Variants in DNASE2B observed in about 807,000 individuals in gnomAD.
The protein encoded by DNASE2B is deoxyribonuclease-2-beta.
Under a neutral mutation model 46.0 loss-of-function variants are expected in DNASE2B, and 43 were observed. The ratio of observed to expected loss-of-function variants is 0.94; its 90% CI spans 0.73 to 1.21. The LOEUF (loss-of-function observed/expected upper bound fraction) is 1.21. Ranked by LOEUF, DNASE2B falls within the 50% of genes most tolerant of loss-of-function variation. DNASE2B has a pLI of 0.00. For synonymous variants in DNASE2B, 156 were observed against 152.5 expected (o/e 1.02, Z -0.17); for missense variants, 395 against 414.4 (o/e 0.95, Z 0.41).
At position 84,400,442 on chromosome 1, in the gene DNASE2B, G is replaced by C. The variant is rs1004231686; in HGVS notation, c.126-1459G>C. 2.0e-5 allele frequency among the ~76,000 whole-genome samples: 3 copies of C among 152,286 alleles called. No individual in the cohort carries two copies. In the East Asian group the frequency reaches 5.8e-4, roughly 29 times the overall value. ...TAGGCTTCTGCTTCTGAGACTGCAT[G>C]AATATGTTCCCTAATAGTGTGGGAT... On this transcript the variant is annotated intron_variant, in intron 1 of 5. Transcript: ENST00000370665.
At chr1:84,400,375 A>C (rs1009694023) in intron 1 of DNASE2B, among the ~76,000 whole-genome samples, 1 of 152,232 alleles carries the variant, frequency 6.6e-6, no homozygotes, top group African/African-American at 2.4e-5. Flanking sequence ...TCTCAAAAAA[A>C]AACAAAAAAC....
At position 84,402,000 on chromosome 1, in the gene DNASE2B, G is replaced by C; in HGVS notation, c.225G>C (p.Lys75Asn). The C allele has an allele frequency of 6.2e-7, 1 of 1,610,194 alleles. No individual in the cohort carries two copies. Among genetic ancestry groups the C allele is most frequent in the African/African-American group, 1.3e-5 (1 of 74,876 alleles). The change falls in exon 2 of 6, where the codon AAG becomes AAC. Residue 75 changes from lysine (K) to asparagine (N), a missense_variant. Physicochemically the swap from Lys to Asn is moderately conservative, Grantham distance 94 (BLOSUM62 0). Transcript: ENST00000370665. ...YLDSTTRSWR[K>N]SEQLMNDTKS... Reference sequence around the variant, plus strand: ...ACTCTACAACTAGAAGCTGGAGGAAGAGTGAGCAACTAATGAATGACACCA... The same window carrying C: ...ACTCTACAACTAGAAGCTGGAGGAACAGTGAGCAACTAATGAATGACACCA...
At chr1:84,414,312 C>T (rs1266868161) in intron 5 of DNASE2B, among the ~76,000 whole-genome samples, 2 of 152,338 alleles carry the variant, frequency 1.3e-5, no homozygotes, top group Middle Eastern at 3.4e-3. Flanking sequence ...CAAACACCAA[C>T]ATCATCATAG....
chr1:84,409,392 C>G (rs1183132728), intron 3 of DNASE2B, among the ~76,000 whole-genome samples: 1 of 152,066 alleles, frequency 6.6e-6, no homozygotes, highest in Admixed American at 6.6e-5. Context: ...GATACGGACA[C>G]AATTTTCCAG....
In DNASE2B at chr1:84,407,514, G is replaced by A. The variant is rs187132559; in HGVS notation, c.304-923G>A. 5.9e-3 allele frequency among the ~76,000 whole-genome samples: 904 copies of A among 152,036 alleles called. 12 individuals carry two copies. Among genetic ancestry groups the A allele is most frequent in the Non-Finnish European group, 5.5e-3 (373 of 67,956 alleles). On this transcript the variant is annotated intron_variant, in intron 2 of 5. Transcript: ENST00000370665. ...TCATATAATTAAGCAACTGTGAGAGGCTTCTTCATTGAATTTGTTTTCTAA... is the reference window on the plus strand; with the variant it reads ...TCATATAATTAAGCAACTGTGAGAGACTTCTTCATTGAATTTGTTTTCTAA...
intron 3 of DNASE2B, among the ~76,000 whole-genome samples, chr1:84,408,724 C>T (rs1444010284): frequency 2.6e-5 from 4 of 151,798 alleles, no homozygotes; most frequent in African/African-American, 7.3e-5. Context: ...TTAGAAATCC[C>T]ATTTTATTTC....
chr1:84,399,648 G>A (rs1680372490), intron 1 of DNASE2B, among the ~76,000 whole-genome samples: 1 of 151,960 alleles, frequency 6.6e-6, no homozygotes, highest in African/African-American at 2.4e-5. Flanking sequence ...GCAATGAGGA[G>A]GTAGAGAGGC....
chr1:84,412,271 C>T (rs1021286086), intron 4 of DNASE2B, 78 bp from the exon 5 acceptor site: 12 of 1,253,076 alleles, frequency 9.6e-6, no homozygotes, highest in Middle Eastern at 4.1e-4. Context: ...TTTAAATCCA[C>T]AAAAAGATCT....
chr1:84,413,028 T>C (rs1199942953), intron 5 of DNASE2B, among the ~76,000 whole-genome samples: 2 of 129,088 alleles, frequency 1.5e-5, no homozygotes, highest in Non-Finnish European at 3.1e-5. Context: ...CCCAAAGAAG[T>C]GATGCACCCC....
At chr1:84,410,393 G>A (rs977315540) in intron 3 of DNASE2B, among the ~76,000 whole-genome samples, 1 of 152,148 alleles carries the variant, frequency 6.6e-6, no homozygotes, top group African/African-American at 2.4e-5. Flanking sequence ...ATTATTGTGA[G>A]TACATTTCTT....
At chr1:84,403,972 TTG>T (rs1491086521) in intron 2 of DNASE2B, among the ~76,000 whole-genome samples, 5 of 148,938 alleles carry the variant, frequency 3.4e-5, no homozygotes, top group Non-Finnish European at 3.0e-5. Flanking sequence ...TTTTTTTTTT[TTG>T]GCGGAGGGGG....
chr1:84,405,153 T>C (rs145945564), intron 2 of DNASE2B, among the ~76,000 whole-genome samples: 223 of 152,226 alleles, frequency 1.5e-3, no homozygotes, highest in African/African-American at 5.2e-3. Context: ...TCTAAAATTG[T>C]CAAACCATCC....
At position 84,408,488 on chromosome 1, in the gene DNASE2B, A is replaced by T; in HGVS notation, c.355A>T (p.Asn119Tyr). The T allele has an allele frequency of 6.2e-7, 1 of 1,611,384 alleles. No individual in the cohort carries two copies. The highest frequency in any genetic ancestry group is 8.5e-7 in the Non-Finnish European group (1 of 1,178,488). The change falls in exon 3 of 6, where the codon AAT becomes TAT. Residue 119 changes from asparagine (N) to tyrosine (Y), a missense_variant. Coordinates refer to ENST00000370665, the MANE Select transcript of DNASE2B (RefSeq NM_021233.3). ...IYNDGVPKPV[N>Y]YSRKYGHTKG... ...CAATGATGGAGTCCCTAAACCTGTG[A>T]ATTACAGCAGAAAGTATGGACACAC...
chr1:84,399,197 C>T (rs758080221), intron 1 of DNASE2B, among the ~76,000 whole-genome samples: 2 of 152,238 alleles, frequency 1.3e-5, no homozygotes, highest in African/African-American at 2.4e-5. Flanking sequence ...ATGATTGGTA[C>T]GTAGGCCACT....
rs751936110 is a variant in DNASE2B, at chr1:84,414,861, G to A, written c.1079G>A (p.Cys360Tyr). ...FQGLVLYYES[C>Y]K ...GGATTAGTATTATACTATGAAAGCT[G>A]TAAGTAAACTTGGTGAAAGGACACA... Residue 360 changes from cysteine to tyrosine, a missense_variant, in exon 6 of 6, where the codon TGT (cysteine) becomes TAT (tyrosine). Coordinates refer to ENST00000370665, the MANE Select transcript of DNASE2B (RefSeq NM_021233.3). The A allele has an allele frequency of 3.7e-6, 6 of 1,606,862 alleles. No homozygotes were observed. In the East Asian group the frequency reaches 6.7e-5, roughly 18 times the overall value.
At chr1:84,414,278 G>A (rs895061404) in intron 5 of DNASE2B, among the ~76,000 whole-genome samples, 12 of 152,022 alleles carry the variant, frequency 7.9e-5, no homozygotes, top group African/African-American at 2.9e-4. Flanking sequence ...TGCTTCATTC[G>A]TTTTATAGAA....
intron 3 of DNASE2B, among the ~76,000 whole-genome samples, chr1:84,408,858 G>T (rs1283768051): frequency 6.6e-6 from 1 of 150,838 alleles, no homozygotes; most frequent in Non-Finnish European, 1.5e-5. Context: ...ATGTATATAT[G>T]TATATGTGCA....
chr1:84,399,163 T>C (rs1236819469), intron 1 of DNASE2B, among the ~76,000 whole-genome samples: 2 of 152,220 alleles, frequency 1.3e-5, no homozygotes, highest in African/African-American at 4.8e-5. Flanking sequence ...ATCGGTTTGT[T>C]TGGAAGCAGA....
In DNASE2B at chr1:84,412,365, C is replaced by A; in HGVS notation, c.564C>A (p.Val188=). The A allele has an allele frequency of 6.4e-7, 1 of 1,555,784 alleles. No homozygotes were observed. Among genetic ancestry groups the A allele is most frequent in the East Asian group, 2.3e-5 (1 of 43,102 alleles). The change falls in exon 5 of 6, where the codon GTC becomes GTA. Residue 188 remains valine, a synonymous_variant. Transcript: ENST00000370665. ...TTGATTCAGATTCTCAGCTCTTGGT[C>A]TGCAACCCCAACGTCTATAGCTGCT... ...QYEAIDSQLL[V]CNPNVYSCSI...
Sources: gnomAD v4.1 joint callset for allele counts (sites outside exome capture counted in the v4.1 genomes callset) on GRCh38, gnomAD v4.1.1 for gene constraint, MANE v1.5 for transcripts, NCBI Gene and HGNC (gene_info 2026-07-23, HGNC 2026-07-21) for gene names.